Variants in LSAMP observed in about 807,000 individuals in gnomAD.
The protein encoded by LSAMP is limbic system-associated membrane protein.
Under a neutral mutation model 38.6 loss-of-function variants are expected in LSAMP, and 7 were observed. That is an observed-to-expected ratio of 0.18 (90% CI 0.10 to 0.34). The LOEUF (loss-of-function observed/expected upper bound fraction) is 0.34, where lower values mean the gene tolerates loss of function less well. Among genes scored for constraint, LSAMP ranks in the 10% least tolerant of loss-of-function variants. The probability of loss-of-function intolerance (pLI) is 1.00; values close to 1 mark genes in which losing one functional copy is unlikely to be tolerated. For synonymous variants in LSAMP, 154 were observed against 166.8 expected (o/e 0.92, Z 0.59); for missense variants, 313 against 420.0 (o/e 0.75, Z 2.23).
chr3:116,099,229 G>A (rs1287216799), intron 1 of LSAMP, among the ~76,000 whole-genome samples: 1 of 152,166 alleles, frequency 6.6e-6, no homozygotes, highest in Non-Finnish European at 1.5e-5. Context: ...CATCTCTTTA[G>A]CCTCAGAGCA....
intron 1 of LSAMP, among the ~76,000 whole-genome samples, chr3:116,183,466 GGTTA>G (rs1301438235): frequency 1.3e-5 from 2 of 151,838 alleles, no homozygotes; most frequent in African/African-American, 4.8e-5. Flanking sequence ...CAGTGTTATG[GGTTA>G]GTTAGAGCAT....
intron 3 of LSAMP, among the ~76,000 whole-genome samples, chr3:115,979,526 CTA>C (rs1939296701): frequency 1.3e-5 from 2 of 152,198 alleles, no homozygotes; most frequent in African/African-American, 4.8e-5. Flanking sequence ...TTTGAAGGTT[CTA>C]TGATTTTCTT....
chr3:116,370,846 G>GA (rs1297116595), intron 1 of LSAMP, among the ~76,000 whole-genome samples: 1 of 152,044 alleles, frequency 6.6e-6, no homozygotes, highest in Non-Finnish European at 1.5e-5. Context: ...GATGGACTAA[G>GA]AAAAAACAGA....
rs537548779 is a variant in LSAMP, at chr3:116,162,642, C to T, written c.156-76086G>A. Among the ~76,000 whole-genome samples, 12 of 149,714 alleles carry T rather than the reference C, an allele frequency of 8.0e-5. No individual in the cohort carries two copies. The South Asian group carries it at 2.3e-3, about 29-fold the overall frequency. ...ATATGTGCGTGTGAGTGTGTGTGTA[C>T]ATTATATATATATATATAGTGGCTC... On this transcript the variant is annotated intron_variant, in intron 1 of 6. Coordinates refer to ENST00000490035, the MANE Select transcript of LSAMP (RefSeq NM_002338.5).
chr3:116,377,261 G>A (rs1453486940), intron 1 of LSAMP, among the ~76,000 whole-genome samples: 2 of 151,880 alleles, frequency 1.3e-5, no homozygotes, highest in African/African-American at 4.8e-5. Flanking sequence ...CCAAGTGTAT[G>A]TTGTTCCCCT....
chr3:116,083,966 A>G (rs1432599968), intron 2 of LSAMP, among the ~76,000 whole-genome samples: 2 of 152,128 alleles, frequency 1.3e-5, no homozygotes, highest in South Asian at 2.1e-4. Flanking sequence ...GGAGGATACC[A>G]TGCTTTCTTT....
chr3:116,149,899 G>A (rs992177594), intron 1 of LSAMP, among the ~76,000 whole-genome samples: 24 of 151,874 alleles, frequency 1.6e-4, no homozygotes, highest in Non-Finnish European at 2.8e-4. Flanking sequence ...ATCCTTACCC[G>A]TACCAAAAAA....
intron 3 of LSAMP, among the ~76,000 whole-genome samples, chr3:116,008,416 T>A (rs1209026236): frequency 6.6e-6 from 1 of 152,190 alleles, no homozygotes; most frequent in South Asian, 2.1e-4. Context: ...AGTTTCATAT[T>A]CATTATCTCA....
In LSAMP at chr3:116,177,771, C is replaced by A. The variant is rs141365071; in HGVS notation, c.156-91215G>T. 2.0e-4 allele frequency among the ~76,000 whole-genome samples: 31 copies of A among 152,220 alleles called. 1 individual carries two copies. In the East Asian group the frequency reaches 5.2e-3, roughly 26 times the overall value. Reference sequence around the variant, plus strand: ...CCGTCAAACTCAGGAAAAGTAGTCACCCCTTCATTTAGCATTTATTGAGCA... The same window carrying A: ...CCGTCAAACTCAGGAAAAGTAGTCAACCCTTCATTTAGCATTTATTGAGCA... On this transcript the variant is annotated intron_variant, in intron 1 of 6. Transcript: ENST00000490035.
chr3:116,016,564 G>A (rs1001757975), intron 3 of LSAMP, among the ~76,000 whole-genome samples: 15 of 152,158 alleles, frequency 9.9e-5, no homozygotes, highest in Non-Finnish European at 2.1e-4. Flanking sequence ...CCCAAGCTAT[G>A]GCCTTGAGCA....
intron 3 of LSAMP, among the ~76,000 whole-genome samples, chr3:115,990,763 A>C (rs1243570869): frequency 6.6e-6 from 1 of 152,134 alleles, no homozygotes; most frequent in Non-Finnish European, 1.5e-5. Flanking sequence ...AAGAGAAACA[A>C]AACGAGGTCT....
At chr3:116,202,796 T>C (rs1189908063) in intron 1 of LSAMP, among the ~76,000 whole-genome samples, 1 of 152,306 alleles carries the variant, frequency 6.6e-6, no homozygotes, top group East Asian at 1.9e-4. Flanking sequence ...AAGCCTTTCC[T>C]ACTCTTCAGT....
At chr3:116,050,396 T>A (rs1244003939) in intron 2 of LSAMP, among the ~76,000 whole-genome samples, 4 of 152,058 alleles carry the variant, frequency 2.6e-5, no homozygotes, top group South Asian at 2.1e-4. Context: ...TAAAAAAAAA[T>A]TTCTATTAAA....
chr3:116,366,811 G>A (rs918702795), intron 1 of LSAMP, among the ~76,000 whole-genome samples: 2 of 152,016 alleles, frequency 1.3e-5, no homozygotes, highest in African/African-American at 2.4e-5. Flanking sequence ...AAAAGAGAAG[G>A]GCTATTGATT....
intron 1 of LSAMP, among the ~76,000 whole-genome samples, chr3:116,327,816 A>C (rs907488918): frequency 6.6e-6 from 1 of 152,142 alleles, no homozygotes; most frequent in African/African-American, 2.4e-5. Context: ...TCTTGAAAAA[A>C]TTTTAACAAG....
intron 2 of LSAMP, among the ~76,000 whole-genome samples, chr3:116,071,089 AAAT>A: frequency 6.7e-6 from 1 of 148,864 alleles, no homozygotes; most frequent in South Asian, 2.1e-4. Context: ...ATAAATAAAT[AAAT>A]AAAATAATGT....
intron 1 of LSAMP, among the ~76,000 whole-genome samples, chr3:116,210,978 C>T (rs1032344979): frequency 6.6e-5 from 10 of 151,420 alleles, no homozygotes; most frequent in African/African-American, 2.4e-4. Flanking sequence ...GGTACATACA[C>T]ACAATGGAAT....
intron 3 of LSAMP, among the ~76,000 whole-genome samples, chr3:115,908,567 T>G (rs1937065781): frequency 1.3e-5 from 2 of 152,124 alleles, no homozygotes. Context: ...TAACCTGACC[T>G]TTTTACTCTG....
chr3:116,396,950 G>A (rs945175242), intron 1 of LSAMP, among the ~76,000 whole-genome samples: 6 of 152,020 alleles, frequency 3.9e-5, no homozygotes, highest in Non-Finnish European at 7.4e-5. Context: ...TTCAAAATAC[G>A]ATCAATTCTT....
Sources: gnomAD v4.1 joint callset for allele counts (sites outside exome capture counted in the v4.1 genomes callset) on GRCh38, gnomAD v4.1.1 for gene constraint, MANE v1.5 for transcripts, NCBI Gene and HGNC (gene_info 2026-07-23, HGNC 2026-07-21) for gene names.